Variants in PDE10A observed in about 807,000 individuals in gnomAD.
PDE10A encodes the protein cAMP and cAMP-inhibited cGMP 3',5'-cyclic phosphodiesterase 10A.
A neutral mutation model predicts 97.7 loss-of-function variants in PDE10A; 39 were observed. The ratio of observed to expected loss-of-function variants is 0.40; its 90% CI spans 0.31 to 0.52. PDE10A has a LOEUF of 0.52. Ranked by LOEUF, PDE10A falls within the 20% of genes least tolerant of loss-of-function variation. The pLI, the probability that PDE10A is intolerant of heterozygous loss-of-function variation, is 0.56. For missense variants in PDE10A, 731 were observed against 1,047.8 expected, an observed-to-expected ratio of 0.70 and a Z score of 4.17; for synonymous variants, 371 against 376.8, an observed-to-expected ratio of 0.98 and a Z score of 0.18.
intron 1 of PDE10A, among the ~76,000 whole-genome samples, chr6:165,572,162 A>G (rs1453231792): frequency 6.6e-6 from 1 of 152,228 alleles, no homozygotes; most frequent in Non-Finnish European, 1.5e-5. Flanking sequence ...ATTTCATGAG[A>G]GCAAGTTTAG....
intron 13 of PDE10A, among the ~76,000 whole-genome samples, chr6:165,399,542 A>ACC: frequency 6.6e-6 from 1 of 152,110 alleles, no homozygotes; most frequent in Non-Finnish European, 1.5e-5. Flanking sequence ...TCAACCCGTC[A>ACC]TTTAACATTA....
At chr6:165,634,515 A>C (rs577580818) in intron 1 of PDE10A, among the ~76,000 whole-genome samples, 1 of 152,324 alleles carries the variant, frequency 6.6e-6, no homozygotes, top group Non-Finnish European at 1.5e-5. Context: ...CATTTAAGAA[A>C]GTTTTCAAAT....
At chr6:165,863,091 C>T (rs1393086934) in intron 1 of PDE10A, among the ~76,000 whole-genome samples, 1 of 152,186 alleles carries the variant, frequency 6.6e-6, no homozygotes, top group Non-Finnish European at 1.5e-5. Context: ...AATTCCATGC[C>T]AATTGCCTAT....
chr6:165,532,997 A>AT (rs1782875411), intron 2 of PDE10A, among the ~76,000 whole-genome samples: 1 of 152,230 alleles, frequency 6.6e-6, no homozygotes, highest in Non-Finnish European at 1.5e-5. Flanking sequence ...TACAGCAGAC[A>AT]GAGAGCATGG....
At chr6:165,675,372 A>G (rs1048208752) in intron 1 of PDE10A, among the ~76,000 whole-genome samples, 1 of 152,238 alleles carries the variant, frequency 6.6e-6, no homozygotes, top group African/African-American at 2.4e-5. Context: ...ATGAGTCTAT[A>G]TACAAGAGTT....
At position 165,896,745 on chromosome 6, in the gene PDE10A, C is replaced by T. The variant is rs1255094582; in HGVS notation, c.-615+90784G>A. Among the ~76,000 whole-genome samples, 29 of 151,920 alleles carry T rather than the reference C, an allele frequency of 1.9e-4. 1 individual carries two copies. Among genetic ancestry groups the T allele is most frequent in the Non-Finnish European group, 4.1e-4 (28 of 67,980 alleles). On this transcript the variant is annotated intron_variant, in intron 1 of 19. Transcript: ENST00000366882. ...TTCACCGTGTTAGCCAGGATGGTCT[C>T]GACCTCCTGACCTCGTGATCCACCT... is the stretch of plus-strand genomic sequence containing the variant.
chr6:165,748,247 T>G (rs756537457), intron 1 of PDE10A, among the ~76,000 whole-genome samples: 26 of 152,228 alleles, frequency 1.7e-4, no homozygotes, highest in Non-Finnish European at 3.4e-4. Context: ...TTTTGATTAT[T>G]TATGTTGTTT....
At chr6:165,726,582 G>A (rs1456389082) in intron 1 of PDE10A, among the ~76,000 whole-genome samples, 6 of 150,494 alleles carry the variant, frequency 4.0e-5, no homozygotes, top group Admixed American at 3.3e-4. Flanking sequence ...CGCTCCCCCC[G>A]GTGGTCCACA....
intron 1 of PDE10A, among the ~76,000 whole-genome samples, chr6:165,628,515 G>A (rs1015275459): frequency 1.3e-5 from 2 of 151,924 alleles, no homozygotes; most frequent in African/African-American, 2.4e-5. Context: ...CACCACACCC[G>A]GCAATTATTT....
chr6:165,428,206 A>G (rs1789301365), intron 10 of PDE10A, among the ~76,000 whole-genome samples: 1 of 152,132 alleles, frequency 6.6e-6, no homozygotes, highest in Non-Finnish European at 1.5e-5. Flanking sequence ...CTAGAGACCT[A>G]AAAGTACTCA....
chr6:165,491,366 G>A (rs1203973624), intron 2 of PDE10A, among the ~76,000 whole-genome samples: 2 of 152,088 alleles, frequency 1.3e-5, no homozygotes, highest in Non-Finnish European at 2.9e-5. Context: ...AGAAACAATG[G>A]ACTTAAACTA....
Position 165,504,557 on chromosome 6 carries a change from T to C in PDE10A, c.995-22214A>G, listed in dbSNP as rs150439558. Among the ~76,000 whole-genome samples the C allele has an allele frequency of 5.8e-4, 88 of 152,244 alleles. No individual in the cohort carries two copies. The East Asian group carries it at 0.014, about 24-fold the overall frequency. On this transcript the variant is annotated intron_variant, in intron 2 of 21. Coordinates refer to ENST00000539869, the MANE Select transcript of PDE10A (RefSeq NM_001385079.1). Reference sequence around the variant, plus strand: ...AATGTGCTTAGAGACAGTCATTCATTTATTATCAGAAAATCTAAAGCTTTT... The same window carrying C: ...AATGTGCTTAGAGACAGTCATTCATCTATTATCAGAAAATCTAAAGCTTTT...
chr6:165,974,650 T>C (rs181075361), intron 1 of PDE10A, among the ~76,000 whole-genome samples: 142 of 152,360 alleles, frequency 9.3e-4, no homozygotes, highest in Non-Finnish European at 2.1e-4. Flanking sequence ...TACCAGTTGA[T>C]AGCGCATTGC....
At chr6:165,380,139 A>G (rs1428064599) in intron 17 of PDE10A, among the ~76,000 whole-genome samples, 1 of 152,154 alleles carries the variant, frequency 6.6e-6, no homozygotes, top group Non-Finnish European at 1.5e-5. Flanking sequence ...TAAGGTTTTT[A>G]TTTGTAATTG....
Position 165,388,597 on chromosome 6 carries a change from A to G in PDE10A, c.2455-144T>C, listed in dbSNP as rs1785461644. On this transcript the variant is annotated intron_variant, in intron 16 of 21. Transcript: ENST00000539869. The surrounding 1 kb of genome is among the most constrained non-coding windows in gnomAD (Gnocchi z 4.0). The stretch of plus-strand genomic sequence containing the variant: ...CTGGCATAAAGAATCCTATACAAAT[A>G]GAGCAAACCCTTAGGAATCTTGGAA... The G allele has an allele frequency of 1.4e-6, 1 of 693,264 alleles. No individual in the cohort carries two copies. Among genetic ancestry groups the G allele is most frequent in the Non-Finnish European group, 2.4e-6 (1 of 409,706 alleles). The allele number at this position is 693,264 out of a possible 1,614,324, so 42.9% of individuals were successfully genotyped here.
intron 1 of PDE10A, among the ~76,000 whole-genome samples, chr6:165,669,543 T>G (rs1024582699): frequency 6.6e-6 from 1 of 152,244 alleles, no homozygotes; most frequent in Admixed American, 6.5e-5. Context: ...TGTTTCCAAG[T>G]ACAGTCAATG....
chr6:165,715,941 T>C (rs2128447303), intron 1 of PDE10A, among the ~76,000 whole-genome samples: 1 of 152,364 alleles, frequency 6.6e-6, no homozygotes, highest in Non-Finnish European at 1.5e-5. Context: ...ATACCCTGCC[T>C]GGGAGCTTTC....
At chr6:165,626,372 A>T (rs550705255) in intron 1 of PDE10A, among the ~76,000 whole-genome samples, 18 of 152,306 alleles carry the variant, frequency 1.2e-4, no homozygotes, top group African/African-American at 4.3e-4. Flanking sequence ...ACTGTAGAAA[A>T]CATGCAGATT....
chr6:165,837,466 C>G (rs1780094536), intron 1 of PDE10A, among the ~76,000 whole-genome samples: 1 of 152,074 alleles, frequency 6.6e-6, no homozygotes, highest in Non-Finnish European at 1.5e-5. Flanking sequence ...CCTGCTGCAT[C>G]ATAAACTATG....
Sources: allele counts gnomAD v4.1 joint callset (sites outside exome capture counted in the v4.1 genomes callset), GRCh38; gene constraint gnomAD v4.1.1; non-coding constraint Gnocchi (gnomAD v3.1); transcripts MANE v1.5; gene names NCBI Gene and HGNC (gene_info 2026-07-23, HGNC 2026-07-21).